Variants in FANCC observed in about 807,000 individuals in gnomAD.
FANCC encodes the protein FA complementation group C, also known as Fanconi anemia group C protein.
A neutral mutation model predicts 71.3 loss-of-function variants in FANCC; 55 were observed. The observed-to-expected ratio is 0.77, with a 90% confidence interval of 0.62 to 0.97. The LOEUF (loss-of-function observed/expected upper bound fraction) is 0.97. Among genes scored for constraint, FANCC ranks in the 50% least tolerant of loss-of-function variants. The probability of loss-of-function intolerance (pLI) is 0.00; values close to 1 mark genes in which losing one functional copy is unlikely to be tolerated. For synonymous variants in FANCC, 275 were observed against 244.9 expected (o/e 1.12, Z -1.15); for missense variants, 678 against 670.9 (o/e 1.01, Z -0.12).
At chr9:95,200,363 G>A (rs1200814317) in intron 4 of FANCC, among the ~76,000 whole-genome samples, 1 of 152,212 alleles carries the variant, frequency 6.6e-6, no homozygotes, top group Non-Finnish European at 1.5e-5. Flanking sequence ...GAGTTGGTGA[G>A]GGAATTAATT....
intron 4 of FANCC, among the ~76,000 whole-genome samples, chr9:95,183,146 T>C (rs1681977399): frequency 6.6e-6 from 1 of 152,052 alleles, no homozygotes; most frequent in Non-Finnish European, 1.5e-5. Context: ...CCCGCCCCCA[T>C]CTCTAGCTGC....
intron 1 of FANCC, among the ~76,000 whole-genome samples, chr9:95,250,937 C>G (rs758677180): frequency 1.3e-5 from 2 of 152,206 alleles, no homozygotes; most frequent in Non-Finnish European, 2.9e-5. Flanking sequence ...TTAAACTCCC[C>G]GTAGATACTC....
rs1292311011 is a variant in FANCC at position 95,249,243 on chromosome 9, G to T, written c.49C>A (p.Gln17Lys). ...DLSCDYQFWM[Q>K]KLSVWDQAST... ...GCCTGATCCCATACAGAAAGCTTCTGCATCCAAAACTGATAATCACAAGAA... is the reference window on the plus strand; with the variant it reads ...GCCTGATCCCATACAGAAAGCTTCTTCATCCAAAACTGATAATCACAAGAA... The change falls in exon 2 of 15, where the codon CAG becomes AAG. Residue 17 changes from glutamine to lysine, a missense_variant. Coordinates refer to ENST00000289081, the MANE Select transcript of FANCC (RefSeq NM_000136.3). 6.2e-7 allele frequency: 1 copy of T among 1,614,140 alleles called. No homozygotes were observed. The highest frequency in any genetic ancestry group is 1.1e-5 in the South Asian group (1 of 91,074).
At position 95,243,723 on chromosome 9, in the gene FANCC, A is replaced by G. The variant is rs1376348613; in HGVS notation, c.251-2980T>C. 2.5e-4 allele frequency among the ~76,000 whole-genome samples: 38 copies of G among 152,078 alleles called. 1 individual carries two copies. Among genetic ancestry groups the G allele is most frequent in the Non-Finnish European group, 1.5e-5 (1 of 67,994 alleles). On this transcript the variant is annotated intron_variant, in intron 3 of 14. Transcript: ENST00000289081. The stretch of plus-strand genomic sequence containing the variant: ...GCAGGAGAATGGCGTGAACCTAGGA[A>G]GCAGAGCTTGCAGTGAGCCGAGATC...
At chr9:95,279,646 T>C (rs530030303) in intron 1 of FANCC, among the ~76,000 whole-genome samples, 1 of 151,280 alleles carries the variant, frequency 6.6e-6, no homozygotes, top group Middle Eastern at 3.5e-3. Context: ...TGGATGTGAG[T>C]GGAATAAACA....
At chr9:95,242,497 A>G (rs893114911) in intron 3 of FANCC, among the ~76,000 whole-genome samples, 11 of 151,566 alleles carry the variant, frequency 7.3e-5, no homozygotes, top group East Asian at 3.9e-4. Flanking sequence ...AAAAAAAAAA[A>G]AAAGAAAGGA....
chr9:95,197,805 A>C (rs980331789), intron 4 of FANCC, among the ~76,000 whole-genome samples: 1 of 152,204 alleles, frequency 6.6e-6, no homozygotes, highest in Non-Finnish European at 1.5e-5. Flanking sequence ...AGGAGTTACC[A>C]GGCAGAAGGC....
chr9:95,293,032 G>C, intron 1 of FANCC: 1 of 1,591,998 alleles, frequency 6.3e-7, no homozygotes. Context: ...ATGGAAAACT[G>C]TGCAAAACCA....
At chr9:95,211,874 A>C (rs1828521249) in intron 4 of FANCC, among the ~76,000 whole-genome samples, 1 of 151,966 alleles carries the variant, frequency 6.6e-6, no homozygotes, top group Non-Finnish European at 1.5e-5. Flanking sequence ...AAAAAAAAAA[A>C]ACCAGAACCA....
At chr9:95,226,745 C>G (rs1829644228) in intron 4 of FANCC, among the ~76,000 whole-genome samples, 1 of 152,150 alleles carries the variant, frequency 6.6e-6, no homozygotes, top group African/African-American at 2.4e-5. Context: ...GAATGTCCAC[C>G]CACTCCCCAG....
chr9:95,187,959 T>G (rs1200315254), intron 4 of FANCC, among the ~76,000 whole-genome samples: 1 of 151,298 alleles, frequency 6.6e-6, no homozygotes, highest in Non-Finnish European at 1.5e-5. Context: ...GTTCTGCCAC[T>G]CAGTGAAGAA....
At chr9:95,294,730 G>C in intron 1 of FANCC, 1 of 1,602,746 alleles carries the variant, frequency 6.2e-7, no homozygotes, top group Non-Finnish European at 8.5e-7. Flanking sequence ...GGCTGATATG[G>C]CCTGGAACAT....
At chr9:95,160,264 G>C (rs561295529) in intron 6 of FANCC, among the ~76,000 whole-genome samples, 1 of 152,244 alleles carries the variant, frequency 6.6e-6, no homozygotes, top group South Asian at 2.1e-4. Flanking sequence ...AGTTTTCCCA[G>C]CACCATTTAT....
At chr9:95,102,303 T>C (rs1406547143) in intron 14 of FANCC, among the ~76,000 whole-genome samples, 1 of 152,222 alleles carries the variant, frequency 6.6e-6, no homozygotes. Flanking sequence ...GCCCCTGGCA[T>C]CCCTGGGCTA....
chr9:95,139,511 G>A (rs117844744), intron 7 of FANCC, among the ~76,000 whole-genome samples: 1 of 152,244 alleles, frequency 6.6e-6, no homozygotes, highest in East Asian at 1.9e-4. Context: ...ACACTGCAGT[G>A]TGCACCCACG....
intron 4 of FANCC, among the ~76,000 whole-genome samples, chr9:95,215,740 T>C (rs1828825389): frequency 6.6e-6 from 1 of 152,206 alleles, no homozygotes; most frequent in Non-Finnish European, 1.5e-5. Context: ...GGGTTCCAGA[T>C]GACAGCCTCA....
At chr9:95,278,922 A>G (rs1761392714) in intron 1 of FANCC, among the ~76,000 whole-genome samples, 1 of 152,160 alleles carries the variant, frequency 6.6e-6, no homozygotes, top group African/African-American at 2.4e-5. Context: ...GTTACTACTC[A>G]TGCCTGTAAT....
chr9:95,144,726 T>C (rs1023614262), intron 7 of FANCC, among the ~76,000 whole-genome samples: 1 of 152,250 alleles, frequency 6.6e-6, no homozygotes, highest in African/African-American at 2.4e-5. Flanking sequence ...TAGTTAAATA[T>C]TCTTTGTAAG....
rs2071000834 is a variant in FANCC, at chr9:95,099,168, TGG to T, written c.*2537_*2538del. ...GAGTCCAGGGGAATAACAGCCTGGT[TGG>T]AGGGGCGCTCTCCGCCTCTTCTGTA... On this transcript the variant is annotated 3_prime_UTR_variant, in exon 15 of 15. Transcript: ENST00000289081. The T allele has an allele frequency of 4.6e-6, 1 of 216,908 alleles. No homozygotes were observed. Among genetic ancestry groups the T allele is most frequent in the African/African-American group, 2.3e-5 (1 of 44,348 alleles). The allele number at this position is 216,908 out of a possible 1,614,324, so 13.4% of individuals were successfully genotyped here. A position where few individuals can be genotyped will look rare whatever the true frequency, so the allele number is the denominator to read the frequency against.
Sources: allele counts gnomAD v4.1 joint callset (sites outside exome capture counted in the v4.1 genomes callset), GRCh38; gene constraint gnomAD v4.1.1; transcripts MANE v1.5; gene names NCBI Gene and HGNC (gene_info 2026-07-23, HGNC 2026-07-21).